The following SLC30A10 variants were observed in gnomAD, a reference collection of about 807,000 sequenced individuals.
SLC30A10 encodes calcium/manganese antiporter SLC30A10.
In SLC30A10, 8 loss-of-function variants were observed where a neutral mutation model predicts 21.7. The observed-to-expected ratio is 0.37, with a 90% CI of 0.22 to 0.67. The LOEUF (loss-of-function observed/expected upper bound fraction) is 0.67, where lower values mean the gene tolerates loss of function less well. SLC30A10 is among the 30% of genes least tolerant of loss of function. The pLI, the probability that SLC30A10 is intolerant of heterozygous loss-of-function variation, is 0.58. For synonymous variants in SLC30A10, 272 were observed against 279.4 expected, an observed-to-expected ratio of 0.97 and a Z score of 0.26; for missense variants, 521 against 642.5, an observed-to-expected ratio of 0.81 and a Z score of 2.04.
intron 2 of SLC30A10, among the ~76,000 whole-genome samples, chr1:219,920,016 C>G (rs1438736334): frequency 6.6e-6 from 1 of 152,076 alleles, no homozygotes; most frequent in African/African-American, 2.4e-5. Flanking sequence ...GGCAACAACT[C>G]CACAATTCTA....
intron 1 of SLC30A10, among the ~76,000 whole-genome samples, chr1:219,941,376 AG>A (rs1485223426): frequency 2.6e-5 from 4 of 152,336 alleles, no homozygotes; most frequent in Non-Finnish European, 5.9e-5. Flanking sequence ...AGGTCTAAGC[AG>A]TGCTAGAGCT....
intron 1 of SLC30A10, among the ~76,000 whole-genome samples, chr1:219,940,786 C>A (rs887833114): frequency 6.6e-6 from 1 of 152,114 alleles, no homozygotes; most frequent in Non-Finnish European, 1.5e-5. Flanking sequence ...CTAGGCAGGA[C>A]AATAATAGTT....
In SLC30A10 at chr1:219,915,858, T is replaced by G; in HGVS notation, c.1049A>C (p.His350Pro). 6.2e-7 allele frequency: 1 copy of G among 1,614,232 alleles called. No individual in the cohort carries two copies. The highest frequency in any genetic ancestry group is 8.5e-7 in the Non-Finnish European group (1 of 1,180,052). Reference sequence around the variant, plus strand: ...TCCCCTGTCCTTAGGATACTTGATGTGCAGGGTGGCAATAATCTTTCCACT... The same window carrying G: ...TCCCCTGTCCTTAGGATACTTGATGGGCAGGGTGGCAATAATCTTTCCACT... ...LVSGKIIATL[H>P]IKYPKDRGYQ... The change falls in exon 4 of 4, where the codon CAC becomes CCC. Residue 350 changes from histidine (H) to proline (P), a missense_variant. By Grantham distance (77) the His-to-Pro change is moderately conservative. Transcript: ENST00000366926.
intron 1 of SLC30A10, among the ~76,000 whole-genome samples, chr1:219,945,140 C>T (rs1188655791): frequency 2.0e-5 from 3 of 152,024 alleles, no homozygotes; most frequent in Non-Finnish European, 1.5e-5. Flanking sequence ...AGATGGAAAA[C>T]AGATTATTAG....
intron 2 of SLC30A10, among the ~76,000 whole-genome samples, chr1:219,926,380 A>G (rs1353710648): frequency 6.6e-6 from 1 of 152,344 alleles, no homozygotes; most frequent in East Asian, 1.9e-4. Context: ...AGCAAAGTCT[A>G]TGCCCAAGAA....
chr1:219,933,885 C>G (rs1273775307), intron 1 of SLC30A10, among the ~76,000 whole-genome samples: 1 of 149,936 alleles, frequency 6.7e-6, no homozygotes, highest in East Asian at 1.9e-4. Flanking sequence ...GGCGCAGTGA[C>G]TCAACGCCTG....
intron 1 of SLC30A10, among the ~76,000 whole-genome samples, chr1:219,958,205 A>G (rs936573063): frequency 3.9e-4 from 60 of 152,126 alleles, no homozygotes; most frequent in African/African-American, 1.3e-3. Flanking sequence ...CATGTCACAT[A>G]TGGGTAAACA....
chr1:219,947,640 G>A (rs1226192154), intron 1 of SLC30A10, among the ~76,000 whole-genome samples: 1 of 152,106 alleles, frequency 6.6e-6, no homozygotes, highest in African/African-American at 2.4e-5. Flanking sequence ...GGAATCTCCA[G>A]ATATTATTGC....
chr1:219,912,560 C>T lies in SLC30A10; in HGVS notation c.*2889G>A, dbSNP rs372265269. On this transcript the variant is annotated 3_prime_UTR_variant, in exon 4 of 4. Transcript: ENST00000366926. Reference sequence around the variant, plus strand: ...AAAAATTATGTCAGTTCTGGCCGGGCGCAGTGGCTTACGCCTGTAATCCCA... The same window carrying T: ...AAAAATTATGTCAGTTCTGGCCGGGTGCAGTGGCTTACGCCTGTAATCCCA... Among the ~76,000 whole-genome samples, 100 of 152,252 alleles carry T rather than the reference C, an allele frequency of 6.6e-4. 2 individuals carry two copies. In the South Asian group the frequency reaches 0.021, roughly 32 times the overall value.
At chr1:219,956,425 C>T (rs964930936) in intron 1 of SLC30A10, among the ~76,000 whole-genome samples, 3 of 149,452 alleles carry the variant, frequency 2.0e-5, no homozygotes, top group Admixed American at 6.6e-5. Flanking sequence ...GTGAGTCACA[C>T]GTGTATTGTA....
At chr1:219,940,115 A>G (rs1018992373) in intron 1 of SLC30A10, among the ~76,000 whole-genome samples, 4 of 152,162 alleles carry the variant, frequency 2.6e-5, no homozygotes, top group African/African-American at 9.7e-5. Context: ...TGCAATCCAC[A>G]GACTCGAAGG....
intron 1 of SLC30A10, among the ~76,000 whole-genome samples, chr1:219,957,721 A>C (rs1027163392): frequency 6.6e-6 from 1 of 152,196 alleles, no homozygotes; most frequent in African/African-American, 2.4e-5. Flanking sequence ...CTTTTATAAA[A>C]GCACTAAAAA....
chr1:219,956,247 T>G (rs1332488474), intron 1 of SLC30A10, among the ~76,000 whole-genome samples: 1 of 152,116 alleles, frequency 6.6e-6, no homozygotes, highest in Middle Eastern at 3.2e-3. Flanking sequence ...CATAGCTCAC[T>G]GCAGCCTCAA....
intron 3 of SLC30A10, among the ~76,000 whole-genome samples, chr1:219,917,557 T>C (rs928457207): frequency 6.6e-6 from 1 of 152,148 alleles, no homozygotes; most frequent in Admixed American, 6.5e-5. Context: ...GTCTAGAATA[T>C]GAATGATTTG....
chr1:219,916,932 ATGAAAATATTGCTAT>A (rs1347063780), intron 3 of SLC30A10, among the ~76,000 whole-genome samples: 1 of 150,530 alleles, frequency 6.6e-6, no homozygotes, highest in African/African-American at 2.4e-5. Context: ...AGTAAACGCT[ATGAAAATATTGCTAT>A]TGTTATTACT....
chr1:219,917,857 C>A (rs34290806), intron 3 of SLC30A10, among the ~76,000 whole-genome samples: 1 of 151,860 alleles, frequency 6.6e-6, no homozygotes, highest in Admixed American at 6.6e-5. Flanking sequence ...ATTACAGGCG[C>A]GTGCTACCAC....
intron 1 of SLC30A10, among the ~76,000 whole-genome samples, chr1:219,935,078 C>T (rs988360402): frequency 6.6e-6 from 1 of 151,788 alleles, no homozygotes; most frequent in African/African-American, 2.4e-5. Flanking sequence ...TCTGAATCCT[C>T]CTGATGGGTG....
intron 1 of SLC30A10, among the ~76,000 whole-genome samples, chr1:219,954,746 T>A (rs1432832521): frequency 1.3e-5 from 2 of 150,806 alleles, no homozygotes; most frequent in Non-Finnish European, 3.0e-5. Flanking sequence ...AAAAAAATAC[T>A]TTAAAATAAT....
intron 3 of SLC30A10, among the ~76,000 whole-genome samples, chr1:219,917,528 G>A (rs144198357): frequency 1.3e-5 from 2 of 152,156 alleles, no homozygotes; most frequent in East Asian, 1.9e-4. Flanking sequence ...TTGCATGCCC[G>A]CATTAACTAG....
Sources: allele counts gnomAD v4.1 joint callset (sites outside exome capture counted in the v4.1 genomes callset), GRCh38; gene constraint gnomAD v4.1.1; transcripts MANE v1.5; gene names NCBI Gene and HGNC (gene_info 2026-07-23, HGNC 2026-07-21).